The following TMEM232 variants were observed in gnomAD, a reference collection of about 807,000 sequenced individuals.
The protein encoded by TMEM232 is transmembrane protein 232.
A neutral mutation model predicts 78.8 loss-of-function variants in TMEM232; 80 were observed. The ratio of observed to expected loss-of-function variants is 1.01; its 90% CI spans 0.85 to 1.22. The LOEUF (loss-of-function observed/expected upper bound fraction) is 1.22. Ranked by LOEUF, TMEM232 falls within the 50% of genes most tolerant of loss-of-function variation. The pLI, the probability that TMEM232 is intolerant of heterozygous loss-of-function variation, is 0.00. For missense variants in TMEM232, 881 were observed against 742.2 expected, an observed-to-expected ratio of 1.19 and a Z score of -2.17; for synonymous variants, 297 against 254.3, an observed-to-expected ratio of 1.17 and a Z score of -1.60.
chr5:110,724,861 CA>C (rs1228638929), intron 1 of TMEM232, among the ~76,000 whole-genome samples: 5 of 151,918 alleles, frequency 3.3e-5, no homozygotes, highest in Non-Finnish European at 5.9e-5. Flanking sequence ...AATATGGTTT[CA>C]ACAAAAAAAC....
At chr5:110,669,547 G>C (rs1791084175) in intron 1 of TMEM232, among the ~76,000 whole-genome samples, 1 of 152,088 alleles carries the variant, frequency 6.6e-6, no homozygotes. Context: ...AATTCTACCA[G>C]AGGTACAAGG....
At chr5:110,613,146 G>A (rs1045225804) in intron 8 of TMEM232, among the ~76,000 whole-genome samples, 1 of 152,046 alleles carries the variant, frequency 6.6e-6, no homozygotes, top group Admixed American at 6.6e-5. Flanking sequence ...GTCCCCCAGC[G>A]AGGCTGCTCT....
At chr5:110,738,819 A>C, upstream of TMEM232, 4 of 522,880 alleles carry the variant, frequency 7.6e-6, no homozygotes, top group South Asian at 8.1e-5. Context: ...TCTTTCTGGA[A>C]TCTCTTTGGT....
intron 2 of TMEM232, 100 bp from the exon 3 acceptor site, chr5:110,642,471 C>A: frequency 1.3e-6 from 1 of 772,714 alleles, no homozygotes. Context: ...TATATTCTAG[C>A]AAAAATACTT....
intron 12 of TMEM232, among the ~76,000 whole-genome samples, chr5:110,498,227 A>G (rs1298368578): frequency 6.6e-6 from 1 of 152,168 alleles, no homozygotes; most frequent in East Asian, 1.9e-4. Context: ...TACAATGTCT[A>G]CTTTAGTCAA....
At chr5:110,507,473 C>T (rs1407387722) in intron 12 of TMEM232, among the ~76,000 whole-genome samples, 1 of 152,088 alleles carries the variant, frequency 6.6e-6, no homozygotes, top group African/African-American at 2.4e-5. Flanking sequence ...GAAAGTTTAC[C>T]CTGGGTTAAT....
intron 12 of TMEM232, among the ~76,000 whole-genome samples, chr5:110,428,987 C>T (rs1757540035): frequency 6.6e-6 from 1 of 151,732 alleles, no homozygotes; most frequent in African/African-American, 2.4e-5. Context: ...ATGGCTGGGA[C>T]TGAGATTACA....
intron 11 of TMEM232, among the ~76,000 whole-genome samples, chr5:110,537,497 G>GC (rs138375212): frequency 0.019 from 2,960 of 152,062 alleles, 89 homozygotes; most frequent in African/African-American, 0.068. Context: ...CCCAGAACCA[G>GC]CCCCCCAAGG....
intron 12 of TMEM232, among the ~76,000 whole-genome samples, chr5:110,461,082 T>C (rs1370600551): frequency 6.6e-6 from 1 of 151,960 alleles, no homozygotes; most frequent in Non-Finnish European, 1.5e-5. Context: ...GTCACATGTC[T>C]CTCCCTTTCA....
chr5:110,714,286 A>G (rs1342747683), intron 1 of TMEM232, among the ~76,000 whole-genome samples: 2 of 152,186 alleles, frequency 1.3e-5, no homozygotes, highest in Non-Finnish European at 2.9e-5. Flanking sequence ...CCCTCCAGAG[A>G]CTAGGACACC....
intron 12 of TMEM232, among the ~76,000 whole-genome samples, chr5:110,452,512 C>A (rs1289324245): frequency 6.6e-6 from 1 of 151,504 alleles, no homozygotes; most frequent in Admixed American, 6.6e-5. Context: ...CAGTGTAGAT[C>A]AATTTAGGCA....
rs374255949 is a variant in TMEM232 at position 110,474,127 on chromosome 5, C to A, written c.1704-49211G>T. Among the ~76,000 whole-genome samples the A allele has an allele frequency of 7.9e-5, 12 of 151,726 alleles. No individual in the cohort carries two copies. In the East Asian group the frequency reaches 2.1e-3, roughly 27 times the overall value. ...AAATACATTGTACATTTCAAAATAG[C>A]TATAAGAACGGATTCTGAATGTTCT... On this transcript the variant is annotated intron_variant, in intron 12 of 13. Transcript: ENST00000455884.
chr5:110,667,936 T>G (rs1301610456), intron 1 of TMEM232, among the ~76,000 whole-genome samples: 3 of 152,102 alleles, frequency 2.0e-5, no homozygotes, highest in African/African-American at 7.2e-5. Flanking sequence ...TCCTTTTGAT[T>G]CATATCTGAG....
chr5:110,589,755 A>G (rs1453335318), intron 10 of TMEM232, among the ~76,000 whole-genome samples: 1 of 152,190 alleles, frequency 6.6e-6, no homozygotes, highest in Non-Finnish European at 1.5e-5. Context: ...ACATTCAAAG[A>G]GCTCAATAAA....
intron 5 of TMEM232, among the ~76,000 whole-genome samples, chr5:110,635,027 G>A (rs1312767724): frequency 6.6e-6 from 1 of 151,788 alleles, no homozygotes; most frequent in Non-Finnish European, 1.5e-5. Flanking sequence ...TACCACAGAA[G>A]TACAAAAGAT....
chr5:110,688,836 T>G, intron 1 of TMEM232, among the ~76,000 whole-genome samples: 1 of 152,162 alleles, frequency 6.6e-6, no homozygotes, highest in Non-Finnish European at 1.5e-5. Flanking sequence ...GCCTCCCCCA[T>G]GTTTTGCCCA....
At chr5:110,438,920 T>C (rs1758723032) in intron 12 of TMEM232, among the ~76,000 whole-genome samples, 1 of 152,068 alleles carries the variant, frequency 6.6e-6, no homozygotes, top group Admixed American at 6.6e-5. Flanking sequence ...CACTCAGAAC[T>C]CCACCTGGTC....
chr5:110,524,126 G>C (rs1479986398), intron 12 of TMEM232, among the ~76,000 whole-genome samples: 1 of 151,162 alleles, frequency 6.6e-6, no homozygotes, highest in African/African-American at 2.4e-5. Flanking sequence ...AGCCAGGCAT[G>C]GTGGTGCGTG....
At chr5:110,546,798 A>G (rs1442916775) in intron 11 of TMEM232, among the ~76,000 whole-genome samples, 2 of 152,154 alleles carry the variant, frequency 1.3e-5, no homozygotes, top group Non-Finnish European at 2.9e-5. Flanking sequence ...AGTTTATACC[A>G]CAGAACTTGT....
Sources: gnomAD v4.1 joint callset for allele counts (sites outside exome capture counted in the v4.1 genomes callset) on GRCh38, gnomAD v4.1.1 for gene constraint, MANE v1.5 for transcripts, NCBI Gene and HGNC (gene_info 2026-07-23, HGNC 2026-07-21) for gene names.